The following CSMD2 variants were observed in gnomAD, a reference collection of about 807,000 sequenced individuals.
The protein encoded by CSMD2 is CUB and sushi domain-containing protein 2.
In CSMD2, 130 loss-of-function variants were observed where a neutral mutation model predicts 398.5. The observed-to-expected ratio is 0.33, with a 90% CI of 0.28 to 0.38. The LOEUF (loss-of-function observed/expected upper bound fraction) is 0.38, where lower values mean the gene tolerates loss of function less well. Ranked by LOEUF, CSMD2 falls within the 10% of genes least tolerant of loss-of-function variation. CSMD2 has a pLI of 1.00. For missense variants in CSMD2, 3,829 were observed against 4,764.9 expected (o/e 0.80, Z 5.78); for synonymous variants, 1,828 against 1,908.5 (o/e 0.96, Z 1.10).
intron 1 of CSMD2, among the ~76,000 whole-genome samples, chr1:34,106,211 G>A (rs1011257693): frequency 4.6e-5 from 7 of 152,236 alleles, no homozygotes; most frequent in Admixed American, 2.0e-4. Flanking sequence ...CCATCTCCAC[G>A]TGACAAGTGG....
chr1:33,893,776 C>G (rs918115063), intron 5 of CSMD2, among the ~76,000 whole-genome samples: 2 of 152,214 alleles, frequency 1.3e-5, no homozygotes, highest in Admixed American at 6.5e-5. Context: ...TGTGTGTGAC[C>G]TAAATCCACA....
rs12094777 is a variant in CSMD2, at chr1:33,560,419, G to C, written c.8381-946C>G. Among the ~76,000 whole-genome samples, 650 of 152,332 alleles carry C rather than the reference G, an allele frequency of 4.3e-3. 3 individuals carry two copies. The highest frequency in any genetic ancestry group is 0.015 in the African/African-American group (628 of 41,574). ...ACCATGCTTATCCCTGCATCCCTCT[G>C]ATTCCCCCTTTCTCCCAGTGGTATA... On this transcript the variant is annotated intron_variant, in intron 53 of 70. Transcript: ENST00000373381.
chr1:33,567,180 T>G (rs1413632798), intron 53 of CSMD2, among the ~76,000 whole-genome samples: 1 of 151,858 alleles, frequency 6.6e-6, no homozygotes, highest in Non-Finnish European at 1.5e-5. Flanking sequence ...ATACCAAAAT[T>G]ACAGAATTTC....
At position 33,674,841 on chromosome 1, in the gene CSMD2, T is replaced by C. The variant is rs370284168; in HGVS notation, c.4053-11749A>G. 2.6e-4 allele frequency among the ~76,000 whole-genome samples: 39 copies of C among 152,136 alleles called. No homozygotes were observed. The Middle Eastern group carries it at 0.014, about 53-fold the overall frequency. ...GCTCAACTACATGGAAACTGAACAA[T>C]CTGCTCCTGAATGACTACTGGGTAC... On this transcript the variant is annotated intron_variant, in intron 25 of 70. Transcript: ENST00000373381.
chr1:33,778,449 T>C (rs779721974), intron 12 of CSMD2, among the ~76,000 whole-genome samples: 8 of 152,142 alleles, frequency 5.3e-5, no homozygotes, highest in Non-Finnish European at 1.5e-5. Context: ...TTTGTTCTTC[T>C]GGAGCTCTGG....
intron 3 of CSMD2, among the ~76,000 whole-genome samples, chr1:34,002,083 A>T (rs1163684224): frequency 6.6e-6 from 1 of 152,158 alleles, no homozygotes; most frequent in Non-Finnish European, 1.5e-5. Flanking sequence ...AAGTAAAAAT[A>T]AAATGGTGGG....
chr1:33,834,071 C>G (rs2125045074), intron 6 of CSMD2, among the ~76,000 whole-genome samples: 1 of 125,484 alleles, frequency 8.0e-6, no homozygotes, highest in East Asian at 2.4e-4. Context: ...AATGGCCATA[C>G]TGCCCAAGGT....
At chr1:33,758,691 A>C (rs946720273) in intron 13 of CSMD2, among the ~76,000 whole-genome samples, 17 of 152,292 alleles carry the variant, frequency 1.1e-4, no homozygotes, top group Non-Finnish European at 2.2e-4. Flanking sequence ...CTTGCTATAC[A>C]TCTCTTGAGG....
At chr1:33,569,177 T>C (rs1659342824) in intron 52 of CSMD2, among the ~76,000 whole-genome samples, 197 bp downstream of exon 52, 1 of 152,244 alleles carries the variant, frequency 6.6e-6, no homozygotes, top group South Asian at 2.1e-4. Context: ...GAGGTTCTTC[T>C]CCTTCTTTTG....
At chr1:34,023,952 G>A (rs931218364) in intron 3 of CSMD2, among the ~76,000 whole-genome samples, 1 of 149,784 alleles carries the variant, frequency 6.7e-6, no homozygotes, top group Admixed American at 6.8e-5. Context: ...CCAGGCACTT[G>A]TCACGCACTG....
At chr1:33,695,482 G>A (rs1645391934) in intron 24 of CSMD2, among the ~76,000 whole-genome samples, 1 of 152,124 alleles carries the variant, frequency 6.6e-6, no homozygotes, top group South Asian at 2.1e-4. Context: ...AGTCACTGAA[G>A]TCAGAAGCTG....
rs150385776 is a variant in CSMD2 at position 33,908,520 on chromosome 1, A to G, written c.920+9574T>C. On this transcript the variant is annotated intron_variant, in intron 5 of 70. Transcript: ENST00000373381. ...GAGGCACTTAGTACAAACCTGTTGC[A>G]TGCAGTCAGACCCATGGGGGGCAGG... 7.0e-3 allele frequency among the ~76,000 whole-genome samples: 1,073 copies of G among 152,370 alleles called. 16 individuals are homozygous for G. The highest frequency in any genetic ancestry group is 0.025 in the African/African-American group (1,021 of 41,584).
chr1:33,563,433 T>C lies in CSMD2; in HGVS notation c.8381-3960A>G, dbSNP rs1052512272. Among the ~76,000 whole-genome samples, 3 of 151,984 alleles carry C rather than the reference T, an allele frequency of 2.0e-5. No homozygotes were observed. The South Asian group carries it at 6.2e-4, about 32-fold the overall frequency. On this transcript the variant is annotated intron_variant, in intron 53 of 70. Transcript: ENST00000373381. ...CAAGGATGGATGTACACAGAGCAGATGTGTGGGTGGGGAAGCTGAAAGTAG... is the reference window on the plus strand; with the variant it reads ...CAAGGATGGATGTACACAGAGCAGACGTGTGGGTGGGGAAGCTGAAAGTAG...
At chr1:33,576,004 C>T (rs955406871) in intron 49 of CSMD2, among the ~76,000 whole-genome samples, 3 of 152,088 alleles carry the variant, frequency 2.0e-5, no homozygotes, top group Admixed American at 6.5e-5. Flanking sequence ...CAGTGCCTAA[C>T]GTTGAGACTG....
chr1:33,527,197 C>T lies in CSMD2; in HGVS notation c.10233G>A (p.Leu3411=), dbSNP rs1654851449. Residue 3411 remains leucine, a splice_region_variant and synonymous_variant, in exon 65 of 71, where the codon TTG becomes TTA. Coordinates refer to ENST00000373381, the MANE Select transcript of CSMD2 (RefSeq NM_001281956.2). ...TAREPPLTQA[L]IPGDVFAKNS... is the part of the protein sequence containing the mutation. ...GCCAATGATCTGGACCATACGTACT[C>T]AAGGCTTGGGTGAGCGGTGGCTCCC... The T allele has an allele frequency of 1.2e-6, 2 of 1,613,818 alleles. No individual in the cohort carries two copies. The highest frequency in any genetic ancestry group is 1.7e-6 in the Non-Finnish European group (2 of 1,179,714).
intron 13 of CSMD2, among the ~76,000 whole-genome samples, chr1:33,751,403 G>A (rs1366497281): frequency 1.3e-5 from 2 of 152,142 alleles, no homozygotes; most frequent in African/African-American, 4.8e-5. Context: ...GGCTGAAAAT[G>A]ATCCACTGGG....
chr1:33,612,754 T>TCA (rs1452704346), intron 40 of CSMD2, among the ~76,000 whole-genome samples: 3 of 151,492 alleles, frequency 2.0e-5, no homozygotes, highest in Non-Finnish European at 4.4e-5. Flanking sequence ...CGATCTTGGC[T>TCA]CACTGCAAGC....
At chr1:33,897,601 T>C (rs1381128587) in intron 5 of CSMD2, among the ~76,000 whole-genome samples, 1 of 152,206 alleles carries the variant, frequency 6.6e-6, no homozygotes, top group Non-Finnish European at 1.5e-5. Flanking sequence ...CCAGCACTGC[T>C]TCCGTGGGGA....
chr1:33,874,226 C>T (rs555807436), intron 5 of CSMD2, among the ~76,000 whole-genome samples: 50 of 152,280 alleles, frequency 3.3e-4, no homozygotes, highest in African/African-American at 1.2e-3. Flanking sequence ...TTATTGAATG[C>T]CTACATCATA....
Sources: allele counts gnomAD v4.1 joint callset (sites outside exome capture counted in the v4.1 genomes callset), GRCh38; gene constraint gnomAD v4.1.1; transcripts MANE v1.5; gene names NCBI Gene and HGNC (gene_info 2026-07-23, HGNC 2026-07-21).